The following NEBL variants were observed in gnomAD, a reference collection of about 807,000 sequenced individuals.
NEBL encodes the protein nebulette, also known as LIM and SH3 protein 2.
A neutral mutation model predicts 140.2 loss-of-function variants in NEBL; 122 were observed. The observed-to-expected ratio is 0.87, with a 90% CI of 0.75 to 1.01. The LOEUF (loss-of-function observed/expected upper bound fraction) is 1.01. NEBL is among the 50% of genes least tolerant of loss of function. NEBL has a pLI of 0.00. For synonymous variants in NEBL, 436 were observed against 398.9 expected (o/e 1.09, Z -1.11); for missense variants, 1,365 against 1,231.3 (o/e 1.11, Z -1.62).
chr10:20,968,707 A>T (rs1270060150), intron 3 of NEBL, among the ~76,000 whole-genome samples: 2 of 152,218 alleles, frequency 1.3e-5, no homozygotes, highest in African/African-American at 4.8e-5. Flanking sequence ...TCTCAGGCAC[A>T]TGTATTACTG....
At chr10:21,237,560 G>C (rs1272778718) in intron 3 of NEBL, among the ~76,000 whole-genome samples, 5 of 151,782 alleles carry the variant, frequency 3.3e-5, no homozygotes, top group African/African-American at 7.3e-5. Context: ...TTGACATCTG[G>C]TCTTCCTTGG....
chr10:21,094,906 G>A (rs1837109968), intron 2 of NEBL, among the ~76,000 whole-genome samples: 1 of 152,300 alleles, frequency 6.6e-6, no homozygotes, highest in Non-Finnish European at 1.5e-5. Context: ...CCAGGTGATG[G>A]TGAAGAAAAT....
At chr10:21,129,433 C>G (rs1838996452) in intron 2 of NEBL, among the ~76,000 whole-genome samples, 1 of 151,788 alleles carries the variant, frequency 6.6e-6, no homozygotes, top group Non-Finnish European at 1.5e-5. Context: ...ATTGACCTTA[C>G]AGAATTTTGT....
Position 20,869,740 on chromosome 10 carries a change from A to G in NEBL, c.582T>C (p.Asn194=). The change falls in exon 6 of 28, where the codon AAT becomes AAC. Residue 194 remains asparagine (N), a splice_region_variant and synonymous_variant. Transcript: ENST00000377122. Reference sequence around the variant, plus strand: ...TTCAAGGTTTAGAAAGAGAAGTTACATTGCTTATGATCTTAGAGATCTGGG... The same window carrying G: ...TTCAAGGTTTAGAAAGAGAAGTTACGTTGCTTATGATCTTAGAGATCTGGG... The part of the protein sequence containing the change: ...MATQISKIIS[N]AEYKKGQGIM... 6.3e-7 allele frequency: 1 copy of G among 1,599,174 alleles called. No homozygotes were observed.
intron 4 of NEBL, among the ~76,000 whole-genome samples, chr10:20,943,883 G>A (rs981376507): frequency 6.6e-6 from 1 of 152,180 alleles, no homozygotes; most frequent in Non-Finnish European, 1.5e-5. Flanking sequence ...ACAGTGTCCT[G>A]AGGACAACAG....
At chr10:21,113,991 T>G (rs1297367498) in intron 2 of NEBL, among the ~76,000 whole-genome samples, 1 of 152,098 alleles carries the variant, frequency 6.6e-6, no homozygotes, top group Non-Finnish European at 1.5e-5. Flanking sequence ...TTTCTTATGG[T>G]TGAAGCTTAA....
intron 2 of NEBL, among the ~76,000 whole-genome samples, chr10:21,041,394 C>T (rs1055433860): frequency 2.0e-5 from 3 of 152,146 alleles, no homozygotes; most frequent in Non-Finnish European, 4.4e-5. Flanking sequence ...ACTGCCACAG[C>T]ACTGTCAAGA....
At chr10:21,279,901 C>G (rs982608941) in intron 1 of NEBL, among the ~76,000 whole-genome samples, 4 of 152,080 alleles carry the variant, frequency 2.6e-5, no homozygotes, top group Non-Finnish European at 2.9e-5. Context: ...TTGAGCTTTG[C>G]AAGAGTTATA....
At chr10:21,190,826 A>C (rs974955892) in intron 3 of NEBL, among the ~76,000 whole-genome samples, 2 of 152,216 alleles carry the variant, frequency 1.3e-5, no homozygotes, top group Admixed American at 1.3e-4. Flanking sequence ...CAAGTACATA[A>C]AGCTATGTAA....
chr10:21,157,091 G>A (rs1224425754), intron 2 of NEBL, among the ~76,000 whole-genome samples: 1 of 152,188 alleles, frequency 6.6e-6, no homozygotes, highest in Non-Finnish European at 1.5e-5. Context: ...GGTCCTGGGT[G>A]AAAGAAGAGA....
chr10:20,900,641 T>C (rs1334466055), upstream of NEBL, among the ~76,000 whole-genome samples: 1 of 145,774 alleles, frequency 6.9e-6, no homozygotes, highest in Non-Finnish European at 1.5e-5. Context: ...CTAGGCAACA[T>C]GGTGAAACCC....
At chr10:20,854,433 G>A (rs924372347) in intron 9 of NEBL, among the ~76,000 whole-genome samples, 44 of 152,206 alleles carry the variant, frequency 2.9e-4, no homozygotes, top group African/African-American at 9.6e-4. Context: ...ATAGTCCCCA[G>A]AGGGAGCCTG....
At chr10:21,216,630 G>A (rs1841996093) in intron 3 of NEBL, among the ~76,000 whole-genome samples, 1 of 152,090 alleles carries the variant, frequency 6.6e-6, no homozygotes, top group Admixed American at 6.6e-5. Flanking sequence ...AATTAGCTGG[G>A]CATGGTGGCA....
intron 13 of NEBL, among the ~76,000 whole-genome samples, chr10:20,838,987 G>A (rs1841152859): frequency 6.6e-6 from 1 of 152,144 alleles, no homozygotes; most frequent in African/African-American, 2.4e-5. Context: ...ACTTTATTGT[G>A]ATATTTGCTT....
intron 3 of NEBL, among the ~76,000 whole-genome samples, chr10:21,218,577 T>G (rs1249006157): frequency 6.6e-6 from 1 of 152,208 alleles, no homozygotes; most frequent in Non-Finnish European, 1.5e-5. Context: ...GCAGGAGTGT[T>G]GAGGAGGAAA....
intron 3 of NEBL, among the ~76,000 whole-genome samples, chr10:21,229,078 T>C (rs1000788065): frequency 2.6e-5 from 4 of 152,188 alleles, no homozygotes; most frequent in Non-Finnish European, 4.4e-5. Context: ...GGACTATTTG[T>C]TACCTCCCTA....
At chr10:20,966,394 T>C (rs1836317833) in intron 3 of NEBL, among the ~76,000 whole-genome samples, 1 of 152,140 alleles carries the variant, frequency 6.6e-6, no homozygotes, top group Admixed American at 6.5e-5. Flanking sequence ...AACAAGAAAA[T>C]ATGCAATATG....
At chr10:21,141,294 G>T (rs1159192469) in intron 2 of NEBL, among the ~76,000 whole-genome samples, 4 of 152,018 alleles carry the variant, frequency 2.6e-5, no homozygotes, top group Non-Finnish European at 5.9e-5. Flanking sequence ...AAAGTTATAT[G>T]GTATTTATGT....
intron 2 of NEBL, among the ~76,000 whole-genome samples, chr10:21,152,308 A>G (rs1409185059): frequency 6.6e-6 from 1 of 152,190 alleles, no homozygotes; most frequent in Non-Finnish European, 1.5e-5. Context: ...ACGCCAGTGT[A>G]ATATTTTAAA....
Sources: allele counts gnomAD v4.1 joint callset (sites outside exome capture counted in the v4.1 genomes callset), GRCh38; gene constraint gnomAD v4.1.1; transcripts MANE v1.5; gene names NCBI Gene and HGNC (gene_info 2026-07-23, HGNC 2026-07-21).